ITFG1: variants seen among roughly 807,000 people sequenced by gnomAD.
ITFG1 encodes the protein T-cell immunomodulatory protein.
ITFG1 carries 34 observed loss-of-function variants against 81.8 expected under a neutral mutation model. That is an observed-to-expected ratio of 0.42 (90% CI 0.32 to 0.55). The LOEUF (loss-of-function observed/expected upper bound fraction) is 0.55, where lower values mean the gene tolerates loss of function less well. Among genes scored for constraint, ITFG1 ranks in the 20% least tolerant of loss-of-function variants. The pLI, the probability that ITFG1 is intolerant of heterozygous loss-of-function variation, is 0.17. For missense variants in ITFG1, 672 were observed against 755.4 expected, an observed-to-expected ratio of 0.89 and a Z score of 1.29; for synonymous variants, 285 against 270.6, an observed-to-expected ratio of 1.05 and a Z score of -0.52.
At chr16:47,301,020 T>C (rs1474364050) in intron 10 of ITFG1, among the ~76,000 whole-genome samples, 2 of 152,200 alleles carry the variant, frequency 1.3e-5, no homozygotes, top group African/African-American at 2.4e-5. Flanking sequence ...TATATTTCCT[T>C]TCAGCCCTAA....
At chr16:47,172,748 C>G (rs1251096450) in intron 14 of ITFG1, among the ~76,000 whole-genome samples, 1 of 152,188 alleles carries the variant, frequency 6.6e-6, no homozygotes, top group Non-Finnish European at 1.5e-5. Flanking sequence ...AAGCCACCAC[C>G]AACTTTTGCC....
At chr16:47,230,705 A>G (rs1016555291) in intron 13 of ITFG1, among the ~76,000 whole-genome samples, 1 of 152,154 alleles carries the variant, frequency 6.6e-6, no homozygotes, top group African/African-American at 2.4e-5. Flanking sequence ...ATGGCTGTGG[A>G]GGAAGGGATT....
intron 13 of ITFG1, among the ~76,000 whole-genome samples, chr16:47,232,505 T>C (rs1965825967): frequency 6.6e-6 from 1 of 152,120 alleles, no homozygotes. Flanking sequence ...TATTTAGAGA[T>C]GATGGATTAG....
intron 6 of ITFG1, among the ~76,000 whole-genome samples, chr16:47,385,349 A>G (rs1968448161): frequency 6.6e-6 from 1 of 152,366 alleles, no homozygotes; most frequent in African/African-American, 2.4e-5. Context: ...CTTAACAATT[A>G]TAAAAATTGC....
intron 5 of ITFG1, among the ~76,000 whole-genome samples, chr16:47,447,305 T>A (rs1267471139): frequency 6.6e-6 from 1 of 152,186 alleles, no homozygotes; most frequent in Non-Finnish European, 1.5e-5. Flanking sequence ...GCACAGAAAC[T>A]GTAACACTAT....
intron 14 of ITFG1, among the ~76,000 whole-genome samples, chr16:47,163,102 A>G (rs1332549709): frequency 6.6e-6 from 1 of 152,150 alleles, no homozygotes; most frequent in East Asian, 1.9e-4. Context: ...GTGCTCAGCC[A>G]ATGATTCACT....
chr16:47,382,103 A>T (rs1034756098), intron 6 of ITFG1, among the ~76,000 whole-genome samples: 11 of 152,364 alleles, frequency 7.2e-5, no homozygotes, highest in Middle Eastern at 3.4e-3. Context: ...GAAAAATCAA[A>T]CTTTTGAAAT....
At chr16:47,318,116 C>CA (rs545148004) in intron 8 of ITFG1, among the ~76,000 whole-genome samples, 27 of 147,116 alleles carry the variant, frequency 1.8e-4, no homozygotes, top group South Asian at 8.7e-4. Context: ...CTTAAGAAAC[C>CA]AAAAAAAAAA....
Position 47,300,787 on chromosome 16 carries a change from G to GA in ITFG1, c.1070+10452dup, listed in dbSNP as rs796141434. On this transcript the variant is annotated intron_variant, in intron 10 of 17. Coordinates refer to ENST00000320640, the MANE Select transcript of ITFG1 (RefSeq NM_030790.5). ...AATGTTAGTGCTGGTAGCGAGTACC[G>GA]AATTTCAGTTACTTATTTTCAGATT... 8.0e-4 allele frequency among the ~76,000 whole-genome samples: 122 copies of GA among 152,268 alleles called. 1 individual carries two copies. The highest frequency in any genetic ancestry group is 2.8e-3 in the African/African-American group (116 of 41,552).
At chr16:47,450,491 T>C in intron 5 of ITFG1, 1 of 371,934 alleles carries the variant, frequency 2.7e-6, no homozygotes, top group South Asian at 2.0e-5. Context: ...TGTTAAAGTG[T>C]CTCTTCAGAA....
chr16:47,185,562 A>C (rs1289410547), intron 14 of ITFG1, among the ~76,000 whole-genome samples: 1 of 152,194 alleles, frequency 6.6e-6, no homozygotes, highest in Non-Finnish European at 1.5e-5. Flanking sequence ...TTTGAAACCA[A>C]TGAGAACAAA....
chr16:47,162,739 A>C, intron 14 of ITFG1, 75 bp from the exon 15 acceptor site: 1 of 1,356,812 alleles, frequency 7.4e-7, no homozygotes, highest in East Asian at 2.4e-5. Context: ...AAAATGATAA[A>C]ATGTTAAAAA....
intron 8 of ITFG1, among the ~76,000 whole-genome samples, chr16:47,351,226 G>T (rs1477232647): frequency 6.6e-6 from 1 of 152,168 alleles, no homozygotes; most frequent in African/African-American, 2.4e-5. Context: ...TTAGGCAGGA[G>T]AAGGAAATAA....
At chr16:47,183,263 T>TGGGTG (rs1231553128) in intron 14 of ITFG1, among the ~76,000 whole-genome samples, 1 of 152,206 alleles carries the variant, frequency 6.6e-6, no homozygotes, top group Non-Finnish European at 1.5e-5. Context: ...AAGCTCGAAC[T>TGGGTG]GGGTGGAGCC....
intron 14 of ITFG1, among the ~76,000 whole-genome samples, chr16:47,208,899 G>A (rs1965532261): frequency 6.6e-6 from 1 of 152,208 alleles, no homozygotes; most frequent in African/African-American, 2.4e-5. Context: ...AGGGAGGGGA[G>A]AGGAGGGAAG....
intron 14 of ITFG1, among the ~76,000 whole-genome samples, chr16:47,204,795 T>C (rs1398080479): frequency 6.6e-6 from 1 of 152,212 alleles, no homozygotes; most frequent in Non-Finnish European, 1.5e-5. Context: ...AAATTTTATA[T>C]GGACATTGGA....
intron 8 of ITFG1, among the ~76,000 whole-genome samples, chr16:47,339,581 A>C (rs1967753643): frequency 1.3e-5 from 2 of 152,204 alleles, no homozygotes; most frequent in Non-Finnish European, 2.9e-5. Flanking sequence ...CTGAAATATA[A>C]AGTTCCCTAG....
At chr16:47,243,242 A>T (rs1165824388) in intron 12 of ITFG1, among the ~76,000 whole-genome samples, 1 of 152,154 alleles carries the variant, frequency 6.6e-6, no homozygotes, top group Non-Finnish European at 1.5e-5. Flanking sequence ...ATATATACAT[A>T]TATGCATAAA....
chr16:47,389,337 T>A (rs1278949212), intron 6 of ITFG1, among the ~76,000 whole-genome samples: 1 of 152,168 alleles, frequency 6.6e-6, no homozygotes, highest in Non-Finnish European at 1.5e-5. Flanking sequence ...AATGCAACTG[T>A]AATAAAACAA....
Sources: gnomAD v4.1 joint callset for allele counts (sites outside exome capture counted in the v4.1 genomes callset) on GRCh38, gnomAD v4.1.1 for gene constraint, MANE v1.5 for transcripts, NCBI Gene and HGNC (gene_info 2026-07-23, HGNC 2026-07-21) for gene names.